The following CECR2 variants were observed in gnomAD, a reference collection of about 807,000 sequenced individuals.
CECR2 encodes the protein CECR2 histone acetyl-lysine reader, also known as chromatin remodeling regulator CECR2.
Under a neutral mutation model 154.5 loss-of-function variants are expected in CECR2, and 30 were observed. The ratio of observed to expected loss-of-function variants is 0.19; its 90% CI spans 0.15 to 0.26. CECR2 has a LOEUF of 0.26. CECR2 is among the 10% of genes least tolerant of loss of function. CECR2 has a pLI of 1.00. For missense variants in CECR2, 1,743 were observed against 1,829.3 expected (o/e 0.95, Z 0.86); for synonymous variants, 725 against 683.7 (o/e 1.06, Z -0.94).
At chr22:17,510,132 G>C (rs138725217) in intron 7 of CECR2, among the ~76,000 whole-genome samples, 1 of 152,174 alleles carries the variant, frequency 6.6e-6, no homozygotes, top group Non-Finnish European at 1.5e-5. Context: ...GGGAAAGTGC[G>C]TAGGGAAACA....
At chr22:17,372,517 G>A (rs1173756424) in intron 1 of CECR2, among the ~76,000 whole-genome samples, 1 of 151,992 alleles carries the variant, frequency 6.6e-6, no homozygotes, top group African/African-American at 2.4e-5. Context: ...AATATAAAAA[G>A]TTAGCCAGGC....
At chr22:17,414,334 T>C (rs2054121760) in intron 1 of CECR2, among the ~76,000 whole-genome samples, 1 of 152,208 alleles carries the variant, frequency 6.6e-6, no homozygotes, top group Non-Finnish European at 1.5e-5. Context: ...GACAGAGTTT[T>C]GAAGTGTATT....
At chr22:17,427,324 T>G (rs577570908) in intron 1 of CECR2, among the ~76,000 whole-genome samples, 2 of 152,070 alleles carry the variant, frequency 1.3e-5, no homozygotes, top group African/African-American at 4.8e-5. Context: ...AATAAACATA[T>G]GTGTGCCTGT....
At chr22:17,527,683 C>T (rs917060598) in intron 9 of CECR2, among the ~76,000 whole-genome samples, 19 of 151,148 alleles carry the variant, frequency 1.3e-4, no homozygotes, top group Non-Finnish European at 1.9e-4. Flanking sequence ...AGGAGAATTG[C>T]TTGAACCTGG....
chr22:17,458,816 T>C (rs969611432), intron 1 of CECR2, among the ~76,000 whole-genome samples: 2 of 152,156 alleles, frequency 1.3e-5, no homozygotes, highest in Non-Finnish European at 2.9e-5. Context: ...GCAGGTTTCT[T>C]GAGTTTACTG....
At chr22:17,422,994 C>T (rs745919158) in intron 1 of CECR2, among the ~76,000 whole-genome samples, 1 of 152,096 alleles carries the variant, frequency 6.6e-6, no homozygotes, top group African/African-American at 2.4e-5. Context: ...ACTTCCCTGC[C>T]CTCTCTCAGT....
chr22:17,548,818 C>G lies in CECR2; in HGVS notation c.3531C>G (p.Arg1177=), dbSNP rs2056657526. The stretch of plus-strand genomic sequence containing the variant: ...ATTCTGGAGGCTTTCCCCGGTATCG[C>G]CCCCCACAAGGAATGAGGTATTCCT... ...HPHSGGFPRY[R]PPQGMRYSYH... Residue 1177 remains arginine, a synonymous_variant, in exon 17 of 19, where the codon CGC becomes CGG. Coordinates refer to ENST00000262608, the MANE Select transcript of CECR2 (RefSeq NM_001290047.2). 33 of 1,613,642 alleles carry G rather than the reference C, an allele frequency of 2.0e-5. No individual in the cohort carries two copies. The highest frequency in any genetic ancestry group is 2.8e-5 in the Non-Finnish European group (33 of 1,179,808).
Position 17,554,020 on chromosome 22 carries a change from A to C in CECR2, c.*1180A>C, listed in dbSNP as rs574614588. 2.6e-5 allele frequency: 4 copies of C among 152,356 alleles called. No individual in the cohort carries two copies. The highest frequency in any genetic ancestry group is 9.6e-5 in the African/African-American group (4 of 41,582). The allele number at this position is 152,356 out of a possible 1,614,324, so 9.4% of individuals were successfully genotyped here. A position where few individuals can be genotyped will look rare whatever the true frequency, so the allele number is the denominator to read the frequency against. ...TATAGTTTTTATTCGTTTTAAGTGA[A>C]TCATAGTAAAATCAGTCATGGTGAT... is the stretch of plus-strand genomic sequence containing the variant. On this transcript the variant is annotated 3_prime_UTR_variant, in exon 19 of 19. Coordinates refer to ENST00000262608, the MANE Select transcript of CECR2 (RefSeq NM_001290047.2).
intron 10 of CECR2, among the ~76,000 whole-genome samples, 183 bp from the exon 11 acceptor site, chr22:17,538,337 T>C (rs2056468594): frequency 1.3e-5 from 2 of 152,242 alleles, no homozygotes; most frequent in Non-Finnish European, 2.9e-5. Flanking sequence ...CCAGTTTTGC[T>C]AAGGTCCACT....
intron 1 of CECR2, among the ~76,000 whole-genome samples, chr22:17,461,942 A>G (rs2054945305): frequency 6.6e-6 from 1 of 151,676 alleles, no homozygotes; most frequent in Non-Finnish European, 1.5e-5. Context: ...ACAGGTGCGC[A>G]CCACCAAACC....
chr22:17,416,530 A>G (rs1601320384), intron 1 of CECR2, among the ~76,000 whole-genome samples: 2 of 152,184 alleles, frequency 1.3e-5, no homozygotes, highest in South Asian at 4.2e-4. Context: ...TGTTATTATT[A>G]TATTGTTATT....
intron 8 of CECR2, among the ~76,000 whole-genome samples, chr22:17,522,446 C>T (rs1055871605): frequency 1.3e-5 from 2 of 152,110 alleles, no homozygotes; most frequent in African/African-American, 4.8e-5. Flanking sequence ...TTGCAGTCTT[C>T]GGGACAGTCG....
intron 1 of CECR2, among the ~76,000 whole-genome samples, chr22:17,428,752 A>G (rs1447270490): frequency 6.6e-6 from 1 of 151,644 alleles, no homozygotes; most frequent in Non-Finnish European, 1.5e-5. Context: ...TGCTGGGATT[A>G]CAGGTGTGAG....
At chr22:17,370,942 CGTTG>C (rs1159398325) in intron 1 of CECR2, among the ~76,000 whole-genome samples, 1 of 152,200 alleles carries the variant, frequency 6.6e-6, no homozygotes, top group Non-Finnish European at 1.5e-5. Context: ...ATGGCAACTG[CGTTG>C]GTCAGTTTTT....
rs1375313880 is a variant in CECR2 at position 17,373,607 on chromosome 22, G to A, written c.126+3698G>A. ...GGTTAGATGTTTTTGCTTTTCAGAT[G>A]AGATTGAGGTATAGCTGGAAAACAG... On this transcript the variant is annotated intron_variant, in intron 1 of 18. Transcript: ENST00000262608. 2.0e-5 allele frequency among the ~76,000 whole-genome samples: 3 copies of A among 152,128 alleles called. No individual in the cohort carries two copies. In the East Asian group the frequency reaches 5.8e-4, roughly 29 times the overall value.
chr22:17,387,521 T>C (rs1461862072), intron 1 of CECR2, among the ~76,000 whole-genome samples: 1 of 152,142 alleles, frequency 6.6e-6, no homozygotes, highest in Non-Finnish European at 1.5e-5. Flanking sequence ...AGGCCCCGGC[T>C]CCAGCCTGCT....
chr22:17,535,089 C>T (rs738081), intron 9 of CECR2, among the ~76,000 whole-genome samples: 34,047 of 150,814 alleles, frequency 0.23, 4,084 homozygotes, highest in African/African-American at 0.3. Flanking sequence ...AGGCGGAGCT[C>T]GCAGTGAGGC....
At chr22:17,402,754 C>CTTTTTTTTTTTTTTTTTTTT (rs386394918) in intron 1 of CECR2, among the ~76,000 whole-genome samples, 1 of 123,104 alleles carries the variant, frequency 8.1e-6, no homozygotes, top group Non-Finnish European at 1.7e-5. Flanking sequence ...TTCTTTTCTT[C>CTTTTTTTTTTTTTTTTTTTT]TTTTTTTTTT....
chr22:17,526,952 A>G (rs2056276051), intron 9 of CECR2, among the ~76,000 whole-genome samples: 1 of 152,210 alleles, frequency 6.6e-6, no homozygotes, highest in Non-Finnish European at 1.5e-5. Context: ...GATCACATCA[A>G]GTTAAAAAGC....
Sources: allele counts gnomAD v4.1 joint callset (sites outside exome capture counted in the v4.1 genomes callset), GRCh38; gene constraint gnomAD v4.1.1; transcripts MANE v1.5; gene names NCBI Gene and HGNC (gene_info 2026-07-23, HGNC 2026-07-21).